IRX4: variants seen among roughly 807,000 people sequenced by gnomAD.
IRX4 encodes iroquois-class homeodomain protein IRX-4.
A neutral mutation model predicts 32.0 loss-of-function variants in IRX4; 22 were observed. That is an observed-to-expected ratio of 0.69 (90% CI 0.49 to 0.98). The LOEUF (loss-of-function observed/expected upper bound fraction) is 0.98. Ranked by LOEUF, IRX4 falls within the 50% of genes least tolerant of loss-of-function variation. The probability of loss-of-function intolerance (pLI) is 0.00; values close to 1 mark genes in which losing one functional copy is unlikely to be tolerated. For synonymous variants in IRX4, 379 were observed against 351.7 expected, an observed-to-expected ratio of 1.08 and a Z score of -0.87; for missense variants, 840 against 744.2, an observed-to-expected ratio of 1.13 and a Z score of -1.50.
Position 1,879,530 on chromosome 5 carries a change from T to TC in IRX4, c.709dup (p.Glu237GlyfsTer22), listed in dbSNP as rs1230518998. On this transcript the variant is annotated frameshift_variant, in exon 4 of 5. Transcript: ENST00000231357. LOFTEE classifies it low-confidence loss of function (END_TRUNC). ...TGCGTTCTTGGAGCTCTTGAGGGGC[T>TC]CCTCCCGCGCCTCCTCCTCGCCCCC... 1 of 1,613,112 alleles carries TC rather than the reference T, an allele frequency of 6.2e-7. No individual in the cohort carries two copies. The highest frequency in any genetic ancestry group is 8.5e-7 in the Non-Finnish European group (1 of 1,180,020).
At chr5:1,882,189 G>C (rs1735473410) in intron 1 of IRX4, 130 bp from the exon 2 acceptor site, 1 of 1,127,960 alleles carries the variant, frequency 8.9e-7, no homozygotes, top group African/African-American at 1.6e-5. Context: ...GTCCACACCA[G>C]GATGCTCGCC....
At chr5:1,878,952 A>G (rs905497941) in intron 4 of IRX4, among the ~76,000 whole-genome samples, 160 bp from the exon 5 acceptor site, 1 of 151,896 alleles carries the variant, frequency 6.6e-6, no homozygotes, top group Non-Finnish European at 1.5e-5. Context: ...CCAGGTCACA[A>G]ACTGGCAACA....
chr5:1,880,752 G>A lies in IRX4; in HGVS notation c.380C>T (p.Pro127Leu), dbSNP rs1735397801. 4.3e-6 allele frequency: 7 copies of A among 1,613,708 alleles called. No homozygotes were observed. The East Asian group carries it at 8.9e-5, about 21-fold the overall frequency. The change falls in exon 3 of 5, where the codon CCA becomes CTA. Residue 127 changes from proline to leucine, a missense_variant. Coordinates refer to ENST00000231357, the MANE Select transcript of IRX4 (RefSeq NM_016358.3). ...PAAAAYYPYE[P>L]ALGQYPYDRY... ...GTCATAGGGGTACTGGCCCAGAGCT[G>A]GCTCGTAAGGGTAGTAGGCGGCAGC...
Position 1,882,066 on chromosome 5 carries a change from A to T in IRX4, c.46-7T>A, listed in dbSNP as rs777334565. 6.4e-7 allele frequency: 1 copy of T among 1,550,656 alleles called. No individual in the cohort carries two copies. The highest frequency in any genetic ancestry group is 1.4e-5 in the African/African-American group (1 of 73,096). ...AGTTGGTGGCCATCAAGAACTGCAG[A>T]GAGAGGCCGCGAGGACTGGCGGGAA... On this transcript the variant is annotated splice_region_variant and splice_polypyrimidine_tract_variant and intron_variant, in intron 1 of 4. Transcript: ENST00000231357.
rs1293746467 is a variant in IRX4, at chr5:1,878,049, G to T, written c.1480C>A (p.Pro494Thr). The part of the protein sequence containing the change: ...PLARAFPPAV[P>T]QDAPAAGAAR... ...GCGCCTGCAGCTGGGGCGTCCTGGG[G>T]CACGGCAGGCGGAAAGGCGCGGGCC... The change falls in exon 5 of 5, where the codon CCC becomes ACC. Residue 494 changes from proline to threonine, a missense_variant. By Grantham distance (38) the Pro-to-Thr change is conservative (BLOSUM62 -1). Around this residue, in one of 3 missense-constraint regions of IRX4, gnomAD observed 585 missense variants for 488.0 expected, o/e 1.20. Transcript: ENST00000231357. 1 of 1,512,234 alleles carries T rather than the reference G, an allele frequency of 6.6e-7. No homozygotes were observed. Among genetic ancestry groups the T allele is most frequent in the Admixed American group, 2.0e-5 (1 of 48,998 alleles). 93.7% of individuals were successfully genotyped at this position (1,512,234 alleles called of 1,614,324 possible).
At chr5:1,884,950 C>G (rs372644932), upstream of IRX4, among the ~76,000 whole-genome samples, 3 of 152,246 alleles carry the variant, frequency 2.0e-5, no homozygotes, top group East Asian at 3.9e-4. Flanking sequence ...GGTAATGAGG[C>G]CCGGCTGAAG....
upstream of IRX4, among the ~76,000 whole-genome samples, chr5:1,883,026 C>A (rs1316847932): frequency 6.6e-6 from 1 of 152,100 alleles, no homozygotes; most frequent in Non-Finnish European, 1.5e-5. Context: ...CTCGCGCAGC[C>A]CGGCCTGGCC....
upstream of IRX4, chr5:1,884,667 T>C (rs1042809046): frequency 3.3e-5 from 5 of 152,288 alleles, no homozygotes; most frequent in African/African-American, 4.8e-5. Flanking sequence ...TTCTGAATTC[T>C]GTATTGATTT....
In IRX4 at chr5:1,878,430, G is replaced by A. The variant is rs992693173; in HGVS notation, c.1099C>T (p.Arg367Cys). ...GCTGTGTGGGCCAGGGACCAGATGC[G>A]CGGCTTAGCCTCCAGGCCTGCCGAC... ...GASAGLEAKP[R>C]IWSLAHTATA... The change falls in exon 5 of 5, where the codon CGC becomes TGC. Residue 367 changes from arginine (R) to cysteine (C), a missense_variant. By Grantham distance (180) the Arg-to-Cys change is radical. Around this residue, in one of 3 missense-constraint regions of IRX4, gnomAD observed 585 missense variants for 488.0 expected, o/e 1.20. Coordinates refer to ENST00000231357, the MANE Select transcript of IRX4 (RefSeq NM_016358.3). 8 of 1,512,796 alleles carry A rather than the reference G, an allele frequency of 5.3e-6. No homozygotes were observed. In the African/African-American group the frequency reaches 5.6e-5, roughly 11 times the overall value. The allele number at this position is 1,512,796 out of a possible 1,614,324, so 93.7% of individuals were successfully genotyped here.
chr5:1,878,969 C>T (rs569498486), intron 4 of IRX4, among the ~76,000 whole-genome samples, 177 bp from the exon 5 acceptor site: 1 of 151,758 alleles, frequency 6.6e-6, no homozygotes, highest in Non-Finnish European at 1.5e-5. Context: ...AACACAGGGG[C>T]CTCCAATGGG....
At position 1,879,549 on chromosome 5, in the gene IRX4, C is replaced by G. The variant is rs1198720192; in HGVS notation, c.691G>C (p.Glu231Gln). ...AGGGGCTCCTCCCGCGCCTCCTCCT[C>G]GCCCCCCTCCTCCTCCTCGCCCTCC... is the stretch of plus-strand genomic sequence containing the variant. ...YAEGEEEEGG[E>Q]EEAREEPLKS... The change falls in exon 4 of 5, where the codon GAG becomes CAG. Residue 231 changes from glutamate to glutamine, a missense_variant. Transcript: ENST00000231357. The G allele has an allele frequency of 6.2e-7, 1 of 1,613,126 alleles. No individual in the cohort carries two copies. Among genetic ancestry groups the G allele is most frequent in the African/African-American group, 1.3e-5 (1 of 74,666 alleles).
At chr5:1,879,163 T>TTTG (rs1171752653) in intron 4 of IRX4, among the ~76,000 whole-genome samples, 10 of 152,066 alleles carry the variant, frequency 6.6e-5, no homozygotes, top group Non-Finnish European at 1.5e-4. Context: ...GGCTAATTTT[T>TTTG]TGTATTTTTA....
At chr5:1,881,217 C>G in intron 2 of IRX4, 1 of 203,648 alleles carries the variant, frequency 4.9e-6, no homozygotes, top group Middle Eastern at 1.9e-3. Context: ...GGGATGCACT[C>G]AAGTGGGGAG....
chr5:1,882,953 C>G (rs1462131774), upstream of IRX4, among the ~76,000 whole-genome samples: 2 of 150,292 alleles, frequency 1.3e-5, no homozygotes, highest in African/African-American at 4.9e-5. Context: ...AAACGAGTCG[C>G]GCGAACCCGT....
rs1735258041 is a variant in IRX4, at chr5:1,877,925, C to T, written c.*44G>A. 1.4e-6 allele frequency: 2 copies of T among 1,456,698 alleles called. No homozygotes were observed. The highest frequency in any genetic ancestry group is 2.2e-5 in the Admixed American group (1 of 45,188). 90.2% of individuals were successfully genotyped at this position (1,456,698 alleles called of 1,614,324 possible). ...ACTCAGTGAAAAGAGTCGGCGCCGT[C>T]CGCCTGAGCGCGGGTTCCCTCCTGG... On this transcript the variant is annotated 3_prime_UTR_variant, in exon 5 of 5. Coordinates refer to ENST00000231357, the MANE Select transcript of IRX4 (RefSeq NM_016358.3).
chr5:1,880,729 C>A lies in IRX4; in HGVS notation c.403G>T (p.Asp135Tyr). ...TTAGGAGGGGTGGGTCCTCACCTGT[C>A]ATAGGGGTACTGGCCCAGAGCTGGC... is the stretch of plus-strand genomic sequence containing the variant. ...YEPALGQYPY[D>Y]RYGTMDSGTR... is the part of the protein sequence containing the mutation. The change falls in exon 3 of 5, where the codon GAC (aspartate) becomes TAC (tyrosine). Residue 135 changes from aspartate to tyrosine, a missense_variant. Physicochemically the swap from Asp to Tyr is radical, Grantham distance 160. This residue lies in a region of IRX4 where 241 missense variants were observed against 220.8 expected (regional missense o/e 1.09). Transcript: ENST00000231357. The A allele has an allele frequency of 6.2e-7, 1 of 1,611,608 alleles. No individual in the cohort carries two copies.
chr5:1,885,420 C>T (rs1049493637), upstream of IRX4, among the ~76,000 whole-genome samples: 2 of 152,188 alleles, frequency 1.3e-5, no homozygotes, highest in African/African-American at 4.8e-5. Flanking sequence ...CAGTCCCCAC[C>T]AGCGGGCGAC....
Position 1,881,791 on chromosome 5 carries a change from A to G in IRX4, c.297+17T>C. On this transcript the variant is annotated intron_variant, in intron 2 of 4. Transcript: ENST00000231357. ...GAGGGCCAGGGGCAGGGCAAGGGCTAGGGATGCCCCACTTACCAGCGAGTA... is the reference window on the plus strand; with the variant it reads ...GAGGGCCAGGGGCAGGGCAAGGGCTGGGGATGCCCCACTTACCAGCGAGTA... 1.3e-6 allele frequency: 2 copies of G among 1,567,572 alleles called. No individual in the cohort carries two copies. Among genetic ancestry groups the G allele is most frequent in the Non-Finnish European group, 1.7e-6 (2 of 1,156,914 alleles).
upstream of IRX4, among the ~76,000 whole-genome samples, chr5:1,886,453 C>A (rs1327566763): frequency 2.0e-5 from 3 of 152,240 alleles, no homozygotes; most frequent in African/African-American, 7.2e-5. Context: ...TCGCTGACGC[C>A]GCACTGGCGA....
Sources: allele counts gnomAD v4.1 joint callset (sites outside exome capture counted in the v4.1 genomes callset), GRCh38; gene constraint gnomAD v4.1.1; regional missense constraint gnomAD v4.1.1; transcripts MANE v1.5; gene names NCBI Gene and HGNC (gene_info 2026-07-23, HGNC 2026-07-21).